Variants in TIPIN observed in about 807,000 individuals in gnomAD.
TIPIN encodes the protein TIMELESS interacting protein.
A neutral mutation model predicts 35.6 loss-of-function variants in TIPIN; 29 were observed. The observed-to-expected ratio is 0.82, with a 90% confidence interval of 0.61 to 1.11. The LOEUF is 1.11. Ranked by LOEUF, TIPIN falls within the 50% of genes most tolerant of loss-of-function variation. The pLI is 0.00. For missense variants in TIPIN, 296 were observed against 345.4 expected, an observed-to-expected ratio of 0.86 and a Z score of 1.13; for synonymous variants, 102 against 121.5, an observed-to-expected ratio of 0.84 and a Z score of 1.06.
In TIPIN at chr15:66,384,446, C is replaced by A. The variant is rs528739185; in HGVS notation, c.-9+2161G>T. On this transcript the variant is annotated intron_variant, in intron 1 of 7. Transcript: ENST00000562124. ...AGTAGCTGGGATTACAGGTGCCCAC[C>A]ACCATGCCTGGCTAATTTTTGTAAT... Among the ~76,000 whole-genome samples, 8 of 151,974 alleles carry A rather than the reference C, an allele frequency of 5.3e-5. No individual in the cohort carries two copies. In the East Asian group the frequency reaches 1.4e-3, roughly 26 times the overall value.
At chr15:66,355,466 TC>T (rs1046574584) in intron 1 of TIPIN, among the ~76,000 whole-genome samples, 2 of 150,072 alleles carry the variant, frequency 1.3e-5, no homozygotes, top group African/African-American at 4.9e-5. Flanking sequence ...AAGCAAAGCA[TC>T]GGCTGGGCGC....
chr15:66,348,866 G>A (rs903832185), intron 6 of TIPIN, among the ~76,000 whole-genome samples, 194 bp downstream of exon 6: 1 of 152,118 alleles, frequency 6.6e-6, no homozygotes, highest in African/African-American at 2.4e-5. Context: ...GATCCCTTAA[G>A]CCCAGGAGTT....
At chr15:66,362,042 G>A (rs760683057) in intron 1 of TIPIN, among the ~76,000 whole-genome samples, 22 of 152,040 alleles carry the variant, frequency 1.4e-4, no homozygotes, top group Non-Finnish European at 2.8e-4. Context: ...AGTGGCTCAT[G>A]CCTGTAATCC....
At chr15:66,378,091 C>T (rs572636334) in intron 1 of TIPIN, among the ~76,000 whole-genome samples, 1 of 152,254 alleles carries the variant, frequency 6.6e-6, no homozygotes, top group African/African-American at 2.4e-5. Flanking sequence ...CAACCTCTGC[C>T]TCCCAGGTTC....
At chr15:66,367,230 A>G (rs1038259985) in intron 1 of TIPIN, among the ~76,000 whole-genome samples, 40 of 125,704 alleles carry the variant, frequency 3.2e-4, no homozygotes, top group African/African-American at 1.0e-3. Context: ...CTATATCTGT[A>G]TCTATATCTA....
At position 66,365,609 on chromosome 15, in the gene TIPIN, C is replaced by T. The variant is rs941604176; in HGVS notation, c.-8-12654G>A. Among the ~76,000 whole-genome samples the T allele has an allele frequency of 2.2e-4, 34 of 152,266 alleles. 1 individual carries two copies. In the South Asian group the frequency reaches 5.6e-3, roughly 25 times the overall value. On this transcript the variant is annotated intron_variant, in intron 1 of 7. Coordinates refer to the TIPIN transcript ENST00000562124. ...TCGCCCAGGTTGGAGTGCAGTGGCA[C>T]GATCTCGGCTCACTGCAACCTCTGC...
chr15:66,360,720 A>T (rs183544515), upstream of TIPIN, among the ~76,000 whole-genome samples: 16 of 152,192 alleles, frequency 1.1e-4, no homozygotes, highest in Admixed American at 6.6e-4. Flanking sequence ...TAATCCCAGC[A>T]CTTTGGGAGC....
chr15:66,367,187 A>AATCTAT (rs60845317), intron 1 of TIPIN, among the ~76,000 whole-genome samples: 30,778 of 130,748 alleles, frequency 0.24, 3,932 homozygotes, highest in East Asian at 0.44. Context: ...CTCAAAAAAA[A>AATCTAT]ATCTATATCT....
At chr15:66,379,857 A>T in intron 1 of TIPIN, 1 of 1,594,488 alleles carries the variant, frequency 6.3e-7, no homozygotes, top group East Asian at 2.2e-5. Flanking sequence ...GTGTCCCTTC[A>T]GAGTAATGTT....
chr15:66,348,952 G>T, intron 6 of TIPIN, 108 bp downstream of exon 6: 1 of 846,434 alleles, frequency 1.2e-6, no homozygotes, highest in Non-Finnish European at 1.9e-6. Context: ...CCCTAAACAT[G>T]AAACAAAAAA....
At chr15:66,351,973 A>G (rs1216181891) in intron 3 of TIPIN, among the ~76,000 whole-genome samples, 156 bp downstream of exon 3, 2 of 152,178 alleles carry the variant, frequency 1.3e-5, no homozygotes, top group African/African-American at 4.8e-5. Context: ...GTCCAAAGCA[A>G]GACCATAAGA....
At chr15:66,372,771 C>T (rs1382765926) in intron 1 of TIPIN, among the ~76,000 whole-genome samples, 4 of 151,990 alleles carry the variant, frequency 2.6e-5, no homozygotes, top group East Asian at 1.9e-4. Context: ...GGTGTGGGGG[C>T]GGGGGCCTGT....
chr15:66,337,138 A>G lies in TIPIN; in HGVS notation c.726T>C (p.Val242=). ...NTPRAHTVEE[V]NTDEDQKEES... is the part of the protein sequence containing the mutation. Reference sequence around the variant, plus strand: ...CCTCCTTTTGATCCTCATCAGTATTAACCTCTTCAACCGTGTGTGCCCTGG... The same window carrying G: ...CCTCCTTTTGATCCTCATCAGTATTGACCTCTTCAACCGTGTGTGCCCTGG... Residue 242 remains valine (V), a synonymous_variant, in exon 8 of 8, where the codon GTT becomes GTC. Coordinates refer to ENST00000261881, the MANE Select transcript of TIPIN (RefSeq NM_017858.3). The G allele has an allele frequency of 6.2e-7, 1 of 1,613,974 alleles. No homozygotes were observed. Among genetic ancestry groups the G allele is most frequent in the Non-Finnish European group, 8.5e-7 (1 of 1,180,000 alleles).
At position 66,365,564 on chromosome 15, in the gene TIPIN, T is replaced by A. The variant is rs2093250495; in HGVS notation, c.-8-12609A>T. On this transcript the variant is annotated intron_variant, in intron 1 of 7. Coordinates refer to the TIPIN transcript ENST00000562124. Reference sequence around the variant, plus strand: ...ATATTGTTTTTTTTGTTTTTTCTGTTGAGACGGAGTTTAGCTCTGTCGCCC... The same window carrying A: ...ATATTGTTTTTTTTGTTTTTTCTGTAGAGACGGAGTTTAGCTCTGTCGCCC... Among the ~76,000 whole-genome samples, 3 of 152,206 alleles carry A rather than the reference T, an allele frequency of 2.0e-5. No homozygotes were observed. In the South Asian group the frequency reaches 6.2e-4, roughly 31 times the overall value.
chr15:66,360,408 C>T (rs2093226105), upstream of TIPIN, among the ~76,000 whole-genome samples: 1 of 152,056 alleles, frequency 6.6e-6, no homozygotes, highest in East Asian at 1.9e-4. Flanking sequence ...GAGTCCCGGA[C>T]CAGCCTGGGC....
intron 1 of TIPIN, among the ~76,000 whole-genome samples, chr15:66,362,693 C>A (rs1208226553): frequency 6.6e-6 from 1 of 152,104 alleles, no homozygotes; most frequent in African/African-American, 2.4e-5. Flanking sequence ...TGCACTCCAA[C>A]CTAGGCGACA....
chr15:66,366,403 G>A (rs992415784), intron 1 of TIPIN, among the ~76,000 whole-genome samples: 29 of 151,800 alleles, frequency 1.9e-4, no homozygotes, highest in African/African-American at 7.0e-4. Flanking sequence ...GCAGTGAGAC[G>A]AGATTGTGCC....
At position 66,367,250 on chromosome 15, in the gene TIPIN, A is replaced by ATATATC. The variant is rs72224909; in HGVS notation, c.-8-14301_-8-14296dup. On this transcript the variant is annotated intron_variant, in intron 1 of 7. Coordinates refer to the TIPIN transcript ENST00000562124. Reference sequence around the variant, plus strand: ...TCTGTATCTATATCTATATCTATCTATATATCTATATCTATATCTATAGAT... The same window carrying ATATATC: ...TCTGTATCTATATCTATATCTATCTATATATCTATATCTATATCTATATCTATAGAT... Among the ~76,000 whole-genome samples, 6 of 81,246 alleles carry ATATATC rather than the reference A, an allele frequency of 7.4e-5. No individual in the cohort carries two copies. The South Asian group carries it at 1.5e-3, about 21-fold the overall frequency. The allele number at this position is 81,246 out of a possible 152,430, so 53.3% of individuals were successfully genotyped here.
At chr15:66,379,504 G>A in intron 1 of TIPIN, 1 of 1,609,768 alleles carries the variant, frequency 6.2e-7, no homozygotes, top group South Asian at 1.1e-5. Context: ...TTCTGGGCTT[G>A]AGATACTGAA....
Sources: gnomAD v4.1 joint callset for allele counts (sites outside exome capture counted in the v4.1 genomes callset) on GRCh38, gnomAD v4.1.1 for gene constraint, MANE v1.5 for transcripts, NCBI Gene and HGNC (gene_info 2026-07-23, HGNC 2026-07-21) for gene names.